The following MAN2A1 variants were observed in gnomAD, a reference collection of about 807,000 sequenced individuals.
The protein encoded by MAN2A1 is alpha-mannosidase 2.
A neutral mutation model predicts 142.6 loss-of-function variants in MAN2A1; 76 were observed. The ratio of observed to expected loss-of-function variants is 0.53; its 90% CI spans 0.44 to 0.65. MAN2A1 has a LOEUF of 0.65. Ranked by LOEUF, MAN2A1 falls within the 30% of genes least tolerant of loss-of-function variation. MAN2A1 has a pLI of 0.00. For missense variants in MAN2A1, 1,311 were observed against 1,365.1 expected, an observed-to-expected ratio of 0.96 and a Z score of 0.62; for synonymous variants, 559 against 473.2, an observed-to-expected ratio of 1.18 and a Z score of -2.35.
rs3797683 is a variant in MAN2A1, at chr5:109,817,723, C to T, written c.2109+285C>T. ...TTTGTAAGGATGCATACTGTTTATTCTAAGGTAATGCAGTAATTATTACTC... is the reference window on the plus strand; with the variant it reads ...TTTGTAAGGATGCATACTGTTTATTTTAAGGTAATGCAGTAATTATTACTC... On this transcript the variant is annotated intron_variant, in intron 13 of 21. Transcript: ENST00000261483. 0.011 allele frequency among the ~76,000 whole-genome samples: 1,726 copies of T among 152,136 alleles called. 167 individuals carry two copies. In the East Asian group the frequency reaches 0.24, roughly 21 times the overall value.
chr5:109,780,092 C>G (rs536807368), intron 8 of MAN2A1, among the ~76,000 whole-genome samples: 1 of 152,218 alleles, frequency 6.6e-6, no homozygotes, highest in South Asian at 2.1e-4. Context: ...GAGTCTCGCT[C>G]TGTCACCCAG....
chr5:109,852,930 G>A (rs1755520062), intron 19 of MAN2A1, among the ~76,000 whole-genome samples: 1 of 152,026 alleles, frequency 6.6e-6, no homozygotes, highest in South Asian at 2.1e-4. Flanking sequence ...CAGAACTCTG[G>A]GTGAGACTTT....
intron 1 of MAN2A1, among the ~76,000 whole-genome samples, chr5:109,696,131 T>G (rs1311686061): frequency 1.3e-5 from 2 of 151,988 alleles, no homozygotes; most frequent in Admixed American, 1.3e-4. Flanking sequence ...AGACGGAGTC[T>G]CACTATGTTG....
At chr5:109,710,805 C>G (rs1751279601) in intron 1 of MAN2A1, among the ~76,000 whole-genome samples, 1 of 152,192 alleles carries the variant, frequency 6.6e-6, no homozygotes, top group African/African-American at 2.4e-5. Flanking sequence ...GCTCTCCTGC[C>G]TCAGCCTTCC....
intron 10 of MAN2A1, among the ~76,000 whole-genome samples, chr5:109,788,573 G>T (rs1263146898): frequency 5.9e-5 from 9 of 151,770 alleles, no homozygotes; most frequent in Non-Finnish European, 1.0e-4. Context: ...CCTTGTTAGA[G>T]CTTTTTCTAA....
intron 15 of MAN2A1, among the ~76,000 whole-genome samples, chr5:109,821,616 T>C (rs534934407): frequency 1.4e-3 from 220 of 152,288 alleles, no homozygotes; most frequent in African/African-American, 4.1e-3. Flanking sequence ...TTGCCTATAA[T>C]AGTAAGTTAG....
chr5:109,753,536 A>T (rs1257870634), intron 4 of MAN2A1, among the ~76,000 whole-genome samples: 1 of 152,230 alleles, frequency 6.6e-6, no homozygotes, highest in East Asian at 1.9e-4. Context: ...TCCCCATGGC[A>T]ACATAAATTT....
intron 9 of MAN2A1, among the ~76,000 whole-genome samples, chr5:109,782,876 T>A (rs1386532776): frequency 6.6e-6 from 1 of 152,116 alleles, no homozygotes; most frequent in African/African-American, 2.4e-5. Flanking sequence ...AATTTGTATA[T>A]TCATCATTTA....
At chr5:109,742,923 A>G (rs192814778) in intron 4 of MAN2A1, among the ~76,000 whole-genome samples, 11 of 152,312 alleles carry the variant, frequency 7.2e-5, no homozygotes, top group East Asian at 5.8e-4. Flanking sequence ...TGAGACGGCT[A>G]TCCTTCCACC....
chr5:109,761,018 T>C (rs752963786), intron 5 of MAN2A1, among the ~76,000 whole-genome samples: 1 of 151,798 alleles, frequency 6.6e-6, no homozygotes, highest in African/African-American at 2.4e-5. Flanking sequence ...TCGTTTGTTT[T>C]TAGTGGTATC....
chr5:109,769,229 C>T (rs528116518), intron 6 of MAN2A1, among the ~76,000 whole-genome samples: 1 of 152,174 alleles, frequency 6.6e-6, no homozygotes, highest in East Asian at 1.9e-4. Context: ...GCTGACAGCA[C>T]TGAAGTACAT....
At chr5:109,840,599 T>C in intron 16 of MAN2A1, 1 of 490,218 alleles carries the variant, frequency 2.0e-6, no homozygotes, top group Non-Finnish European at 4.0e-6. Flanking sequence ...GGCCATCTTC[T>C]GCCTTTTCTG....
chr5:109,740,993 A>G (rs1752253181), intron 4 of MAN2A1, among the ~76,000 whole-genome samples: 1 of 152,110 alleles, frequency 6.6e-6, no homozygotes, highest in South Asian at 2.1e-4. Flanking sequence ...AAAAATGGCA[A>G]TTTCATGCAT....
At chr5:109,845,420 G>A (rs1048519472) in intron 17 of MAN2A1, among the ~76,000 whole-genome samples, 1 of 152,124 alleles carries the variant, frequency 6.6e-6, no homozygotes, top group Non-Finnish European at 1.5e-5. Flanking sequence ...GCAGAGACCT[G>A]TGGTATTTAT....
chr5:109,751,985 G>A (rs904935631), intron 4 of MAN2A1, among the ~76,000 whole-genome samples: 1 of 151,424 alleles, frequency 6.6e-6, no homozygotes, highest in Middle Eastern at 3.2e-3. Context: ...ATGTCACACT[G>A]TCATCAAAAA....
rs148324440 is a variant in MAN2A1 at position 109,855,140 on chromosome 5, G to A, written c.2977G>A (p.Glu993Lys). The change falls in exon 20 of 22, where the codon GAA becomes AAA. Residue 993 changes from glutamate to lysine, a missense_variant and splice_region_variant. By Grantham distance (56) the Glu-to-Lys change is moderately conservative (BLOSUM62 1). Transcript: ENST00000261483. ...AAACATTTTTGTTTTTTCTTGATAG[G>A]AAGAAGAAAAGAAGTCGGTCAGTTA... ...LLEKRSAVNT[E>K]EEKKSVSYPS... is the part of the protein sequence containing the mutation. The A allele has an allele frequency of 1.4e-4, 208 of 1,526,730 alleles. No individual in the cohort carries two copies. The East Asian group carries it at 4.8e-3, about 35-fold the overall frequency. The allele number at this position is 1,526,730 out of a possible 1,614,324, so 94.6% of individuals were successfully genotyped here. A position where few individuals can be genotyped will look rare whatever the true frequency, so the allele number is the denominator to read the frequency against.
intron 12 of MAN2A1, among the ~76,000 whole-genome samples, chr5:109,813,655 G>C (rs1368647220): frequency 6.6e-6 from 1 of 152,198 alleles, no homozygotes; most frequent in East Asian, 1.9e-4. Context: ...AAGCCTGTGT[G>C]CTCCCAGTCT....
chr5:109,715,806 T>C (rs1409804390), intron 2 of MAN2A1, among the ~76,000 whole-genome samples: 2 of 152,188 alleles, frequency 1.3e-5, no homozygotes, highest in African/African-American at 4.8e-5. Context: ...TTTTTCATGG[T>C]TCTTTTTCTA....
At chr5:109,708,509 G>GACACACACACACACACACAGAC (rs1751203949) in intron 1 of MAN2A1, among the ~76,000 whole-genome samples, 1 of 124,542 alleles carries the variant, frequency 8.0e-6, no homozygotes, top group East Asian at 3.1e-4. Flanking sequence ...GAACTGATAG[G>GACACACACACACACACACAGAC]ACACACACAC....
Sources: allele counts gnomAD v4.1 joint callset (sites outside exome capture counted in the v4.1 genomes callset), GRCh38; gene constraint gnomAD v4.1.1; transcripts MANE v1.5; gene names NCBI Gene and HGNC (gene_info 2026-07-23, HGNC 2026-07-21).